The following PIK3C2B variants were observed in gnomAD, a reference collection of about 807,000 sequenced individuals.
PIK3C2B encodes phosphatidylinositol 4-phosphate 3-kinase C2 domain-containing subunit beta.
PIK3C2B carries 83 observed loss-of-function variants against 184.3 expected under a neutral mutation model. The observed-to-expected ratio is 0.45, with a 90% CI of 0.38 to 0.54. The LOEUF (loss-of-function observed/expected upper bound fraction) is 0.54, where lower values mean the gene tolerates loss of function less well. Among genes scored for constraint, PIK3C2B ranks in the 20% least tolerant of loss-of-function variants. The pLI, the probability that PIK3C2B is intolerant of heterozygous loss-of-function variation, is 0.00. For missense variants in PIK3C2B, 1,736 were observed against 2,113.5 expected (o/e 0.82, Z 3.50); for synonymous variants, 779 against 837.6 (o/e 0.93, Z 1.21).
chr1:204,480,480 C>T (rs542050525), intron 1 of PIK3C2B, among the ~76,000 whole-genome samples: 1 of 152,140 alleles, frequency 6.6e-6, no homozygotes, highest in South Asian at 2.1e-4. Flanking sequence ...CTCAGAAACA[C>T]TCTTGGCCCC....
At chr1:204,457,173 G>A in intron 9 of PIK3C2B, 103 bp from the exon 10 acceptor site, 1 of 945,102 alleles carries the variant, frequency 1.1e-6, no homozygotes, top group Non-Finnish European at 1.6e-6. Context: ...GACCAGAATG[G>A]GCTGAAATGT....
chr1:204,474,889 A>G (rs1482190521), intron 1 of PIK3C2B, among the ~76,000 whole-genome samples: 1 of 151,978 alleles, frequency 6.6e-6, no homozygotes, highest in African/African-American at 2.4e-5. Flanking sequence ...GGCACCACCC[A>G]GTCCCCCAAG....
At position 204,456,916 on chromosome 1, in the gene PIK3C2B, A is replaced by C. The variant is rs1236293943; in HGVS notation, c.1747+121T>G. The C allele has an allele frequency of 1.0e-5, 2 of 192,006 alleles. No individual in the cohort carries two copies. The highest frequency in any genetic ancestry group is 2.4e-5 in the Non-Finnish European group (2 of 83,276). The allele number at this position is 192,006 out of a possible 1,614,324, so 11.9% of individuals were successfully genotyped here. On this transcript the variant is annotated intron_variant, in intron 10 of 32. Coordinates refer to ENST00000684373, the MANE Select transcript of PIK3C2B (RefSeq NM_001377334.1). ...CACACACACACACACACCCACACAC[A>C]CACACACACCAGCCGAACTCCGACA...
Position 204,456,069 on chromosome 1 carries a change from C to A in PIK3C2B, c.1748-18G>T. ...GACCTTCTCTGGGAAGGGAAGGGGT[C>A]AGAAGGGAAAGTCATGAGGCCTCCA... is the stretch of plus-strand genomic sequence containing the variant. On this transcript the variant is annotated intron_variant, in intron 10 of 32. Coordinates refer to ENST00000684373, the MANE Select transcript of PIK3C2B (RefSeq NM_001377334.1). The A allele has an allele frequency of 6.2e-7, 1 of 1,605,602 alleles. No homozygotes were observed. The highest frequency in any genetic ancestry group is 8.5e-7 in the Non-Finnish European group (1 of 1,174,392).
chr1:204,448,561 C>G (rs572264025), intron 14 of PIK3C2B, among the ~76,000 whole-genome samples: 1 of 150,552 alleles, frequency 6.6e-6, no homozygotes, highest in South Asian at 2.1e-4. Context: ...TGATTTGTGC[C>G]TGGGAGGCAG....
In PIK3C2B at chr1:204,469,138, A is replaced by G. The variant is rs1656077677; in HGVS notation, c.665T>C (p.Leu222Pro). ...EVLGGGGQGR[L>P]LGSVDYDGIN... ...ACCATCATAGTCCACAGACCCCAGT[A>G]GGCGCCCCTGACCCCCACCTCCCAG... is the stretch of plus-strand genomic sequence containing the variant. The change falls in exon 2 of 33, where the codon CTA (leucine) becomes CCA (proline). Residue 222 changes from leucine to proline, a missense_variant. Leu to Pro is a moderately conservative substitution (Grantham distance 98). Coordinates refer to ENST00000684373, the MANE Select transcript of PIK3C2B (RefSeq NM_001377334.1). 1 of 1,614,050 alleles carries G rather than the reference A, an allele frequency of 6.2e-7. No homozygotes were observed. The highest frequency in any genetic ancestry group is 1.3e-5 in the African/African-American group (1 of 74,918).
intron 30 of PIK3C2B, 97 bp downstream of exon 30, chr1:204,428,042 T>C: frequency 1.4e-6 from 1 of 727,624 alleles, no homozygotes; most frequent in Non-Finnish European, 2.4e-6. Flanking sequence ...AGGAGGCAAG[T>C]CAAGGAGAGA....
intron 1 of PIK3C2B, among the ~76,000 whole-genome samples, chr1:204,478,281 C>T (rs1027811220): frequency 6.6e-6 from 1 of 152,160 alleles, no homozygotes; most frequent in Non-Finnish European, 1.5e-5. Flanking sequence ...ACCTCCTTTG[C>T]AGCCAGGGAC....
intron 1 of PIK3C2B, among the ~76,000 whole-genome samples, chr1:204,485,095 T>C (rs902076339): frequency 3.3e-5 from 5 of 151,650 alleles, no homozygotes; most frequent in African/African-American, 4.8e-5. Context: ...GCCATCCAGG[T>C]TGGAGTGAAG....
At chr1:204,425,406 T>G (rs1416153065) in intron 32 of PIK3C2B, among the ~76,000 whole-genome samples, 2 of 152,184 alleles carry the variant, frequency 1.3e-5, no homozygotes, top group African/African-American at 4.8e-5. Flanking sequence ...TAGTAAATAT[T>G]TTTAGGCTTG....
chr1:204,431,599 C>T, intron 28 of PIK3C2B, 70 bp downstream of exon 28: 1 of 1,591,446 alleles, frequency 6.3e-7, no homozygotes, highest in Non-Finnish European at 8.6e-7. Context: ...GCAGCCCTGA[C>T]CACCTCCCAT....
rs143021286 is a variant in PIK3C2B at position 204,481,138 on chromosome 1, C to T, written c.-84-11252G>A. 1.1e-4 allele frequency among the ~76,000 whole-genome samples: 16 copies of T among 151,812 alleles called. No individual in the cohort carries two copies. In the East Asian group the frequency reaches 3.1e-3, roughly 29 times the overall value. On this transcript the variant is annotated intron_variant, in intron 1 of 32. Coordinates refer to ENST00000684373, the MANE Select transcript of PIK3C2B (RefSeq NM_001377334.1). ...ACACCACACACCTCCCATGCTTATCCCATACCCCTCACACCCTCCCCATAC... is the reference window on the plus strand; with the variant it reads ...ACACCACACACCTCCCATGCTTATCTCATACCCCTCACACCCTCCCCATAC...
rs1445087777 is a variant in PIK3C2B at position 204,422,952 on chromosome 1, GGAAT to G, written c.*1896_*1899del. ...CAATGGAGCTTCTTTCTCCAGTTATGGAATGAGTCAGCAAAACGGGGAGTTTCTG... is the reference window on the plus strand; with the variant it reads ...CAATGGAGCTTCTTTCTCCAGTTATGGAGTCAGCAAAACGGGGAGTTTCTG... On this transcript the variant is annotated 3_prime_UTR_variant, in exon 33 of 33. Coordinates refer to ENST00000684373, the MANE Select transcript of PIK3C2B (RefSeq NM_001377334.1). The G allele has an allele frequency of 6.6e-6, 1 of 152,278 alleles. No individual in the cohort carries two copies. The allele number at this position is 152,278 out of a possible 1,614,324, so 9.4% of individuals were successfully genotyped here.
intron 30 of PIK3C2B, 76 bp downstream of exon 30, chr1:204,428,063 G>T: frequency 1.2e-6 from 1 of 805,358 alleles, no homozygotes; most frequent in Non-Finnish European, 2.1e-6. Context: ...GAACTGAGAA[G>T]AGGTTGGGGC....
chr1:204,431,278 T>G (rs1572282926), intron 28 of PIK3C2B: 1 of 239,122 alleles, frequency 4.2e-6, no homozygotes, highest in East Asian at 9.4e-5. Flanking sequence ...CTTAGCAGAA[T>G]GTCCTCAAGG....
In PIK3C2B at chr1:204,469,626, G is replaced by C; in HGVS notation, c.177C>G (p.Ser59Arg). 6.2e-7 allele frequency: 1 copy of C among 1,611,768 alleles called. No individual in the cohort carries two copies. Among genetic ancestry groups the C allele is most frequent in the South Asian group, 1.1e-5 (1 of 90,798 alleles). ...AKQNADPSLI[S>R]WDEPGVDFYS... ...AAAAGTCTACCCCAGGCTCATCCCAGCTGATGAGAGAGGGGTCTGCGTTCT... is the reference window on the plus strand; with the variant it reads ...AAAAGTCTACCCCAGGCTCATCCCACCTGATGAGAGAGGGGTCTGCGTTCT... The change falls in exon 2 of 33, where the codon AGC becomes AGG. Residue 59 changes from serine (S) to arginine (R), a missense_variant. Around this residue, in one of 8 missense-constraint regions of PIK3C2B, gnomAD observed 404 missense variants for 418.0 expected, o/e 0.97. Transcript: ENST00000684373.
chr1:204,481,467 C>T (rs1657140447), intron 1 of PIK3C2B, among the ~76,000 whole-genome samples: 1 of 151,996 alleles, frequency 6.6e-6, no homozygotes, highest in African/African-American at 2.4e-5. Context: ...TCATGTTAGC[C>T]AGGATGGTCT....
chr1:204,435,790 A>T (rs1206001883), intron 23 of PIK3C2B: 1 of 152,234 alleles, frequency 6.6e-6, no homozygotes, highest in Admixed American at 6.5e-5. Context: ...GTCGAATTAC[A>T]ACCTGATGAT....
rs975076337 is a variant in PIK3C2B at position 204,447,283 on chromosome 1, G to C, written c.2489+153C>G. Among the ~76,000 whole-genome samples, 2 of 152,140 alleles carry C rather than the reference G, an allele frequency of 1.3e-5. No homozygotes were observed. Among genetic ancestry groups the C allele is most frequent in the African/African-American group, 4.8e-5 (2 of 41,430 alleles). On this transcript the variant is annotated intron_variant, in intron 15 of 32. Coordinates refer to ENST00000684373, the MANE Select transcript of PIK3C2B (RefSeq NM_001377334.1). The surrounding 1 kb of genome is among the most constrained non-coding windows in gnomAD (Gnocchi z 4.1). ...GACCTCTCCACTTTTCCTAGTGTCA[G>C]CTGATGGAGAAAGGCCTGGGGGCTG...
Sources: allele counts gnomAD v4.1 joint callset (sites outside exome capture counted in the v4.1 genomes callset), GRCh38; gene constraint gnomAD v4.1.1; regional missense constraint gnomAD v4.1.1; non-coding constraint Gnocchi (gnomAD v3.1); transcripts MANE v1.5; gene names NCBI Gene and HGNC (gene_info 2026-07-23, HGNC 2026-07-21).